The following ACYP2 variants were observed in gnomAD, a reference collection of about 807,000 sequenced individuals.
ACYP2 encodes the protein acylphosphatase-2.
Under a neutral mutation model 11.2 loss-of-function variants are expected in ACYP2, and 12 were observed. The observed-to-expected ratio is 1.08, with a 90% CI of 0.69 to 1.74. The LOEUF (loss-of-function observed/expected upper bound fraction) is 1.74, where lower values mean the gene tolerates loss of function less well. ACYP2 is among the 40% of genes most tolerant of loss of function. ACYP2 has a pLI of 0.00. For synonymous variants in ACYP2, 43 were observed against 32.2 expected (o/e 1.33, Z -1.13); for missense variants, 134 against 101.9 (o/e 1.31, Z -1.35).
At chr2:54,180,085 T>C (rs1337382248) in intron 6 of ACYP2, among the ~76,000 whole-genome samples, 2 of 152,052 alleles carry the variant, frequency 1.3e-5, no homozygotes, top group Non-Finnish European at 2.9e-5. Flanking sequence ...ACTTGGAAAC[T>C]TACATTTACC....
chr2:54,252,009 G>T (rs1474212023), intron 6 of ACYP2, among the ~76,000 whole-genome samples: 1 of 152,142 alleles, frequency 6.6e-6, no homozygotes, highest in African/African-American at 2.4e-5. Flanking sequence ...GAGTTGTAAG[G>T]TCCTTTGTCT....
At chr2:54,165,533 T>TCACACACA (rs1326165242) in intron 6 of ACYP2, among the ~76,000 whole-genome samples, 75 of 123,736 alleles carry the variant, frequency 6.1e-4, no homozygotes, top group African/African-American at 2.2e-3. Flanking sequence ...TCTCTCTCTC[T>TCACACACA]CTCACACACA....
In ACYP2 at chr2:54,102,638, C is replaced by CAAAAAAAAA. The variant is rs58842257; in HGVS notation, c.278-32787_278-32779dup. ...AAACCCAATTTAAGCTGGCTTAAGC[C>CAAAAAAAAA]AAAAAAAAAAAAAAAAAAAAAAAAA... On this transcript the variant is annotated intron_variant, in intron 4 of 6. Transcript: ENST00000607452. 3.6e-3 allele frequency among the ~76,000 whole-genome samples: 304 copies of CAAAAAAAAA among 83,300 alleles called. 60 individuals carry two copies. The highest frequency in any genetic ancestry group is 5.1e-3 in the Non-Finnish European group (222 of 43,286). 54.6% of individuals were successfully genotyped at this position (83,300 alleles called of 152,430 possible).
intron 4 of ACYP2, among the ~76,000 whole-genome samples, chr2:54,095,203 G>T (rs950233461): frequency 2.8e-4 from 43 of 152,170 alleles, no homozygotes; most frequent in African/African-American, 9.9e-4. Context: ...AGGGTTGGGG[G>T]TAAGGTCACA....
chr2:54,017,833 G>A (rs1302893953), intron 2 of ACYP2, among the ~76,000 whole-genome samples: 1 of 152,082 alleles, frequency 6.6e-6, no homozygotes, highest in Non-Finnish European at 1.5e-5. Context: ...AGGAGTGGCA[G>A]TTATCAGTGA....
chr2:54,207,242 T>A (rs957321898), intron 6 of ACYP2, among the ~76,000 whole-genome samples: 1 of 146,864 alleles, frequency 6.8e-6, no homozygotes, highest in African/African-American at 2.5e-5. Context: ...CATGCAATTA[T>A]GATGGTGGGC....
chr2:54,241,428 G>C (rs1686725687), intron 6 of ACYP2, among the ~76,000 whole-genome samples: 1 of 152,120 alleles, frequency 6.6e-6, no homozygotes, highest in Admixed American at 6.5e-5. Flanking sequence ...AGGAGGTATA[G>C]GCTTAGCTTG....
chr2:54,256,347 G>A, intron 6 of ACYP2: 3 of 607,984 alleles, frequency 4.9e-6, no homozygotes, highest in Non-Finnish European at 8.7e-6. Context: ...TTACGTCTTT[G>A]TTATTTTAGC....
intron 2 of ACYP2, among the ~76,000 whole-genome samples, chr2:53,996,523 C>T (rs748297478): frequency 3.9e-5 from 6 of 152,098 alleles, no homozygotes; most frequent in Non-Finnish European, 8.8e-5. Flanking sequence ...CAAAGATTGC[C>T]TGTTAAGAGA....
chr2:54,127,605 C>G (rs10193846), intron 4 of ACYP2, among the ~76,000 whole-genome samples: 1 of 151,648 alleles, frequency 6.6e-6, no homozygotes, highest in African/African-American at 2.4e-5. Context: ...AAAATTAGCC[C>G]GGTGTGGTGG....
chr2:54,074,578 TTGTGTGTG>T (rs59845178), intron 4 of ACYP2, among the ~76,000 whole-genome samples: 1,881 of 146,050 alleles, frequency 0.013, 26 homozygotes, highest in South Asian at 0.026. Flanking sequence ...AGAACAGAAT[TTGTGTGTG>T]TGTGTGTGTG....
At chr2:54,119,431 C>T (rs1572797366) in intron 4 of ACYP2, among the ~76,000 whole-genome samples, 1 of 152,036 alleles carries the variant, frequency 6.6e-6, no homozygotes, top group East Asian at 1.9e-4. Context: ...TGAAAACTGT[C>T]TTGTTAGAAA....
chr2:54,201,662 C>CT (rs1276575637), intron 6 of ACYP2, among the ~76,000 whole-genome samples: 2 of 80,318 alleles, frequency 2.5e-5, no homozygotes, highest in African/African-American at 8.2e-5. Context: ...TTCTTTCTTT[C>CT]TTTCTTTCTT....
At chr2:54,096,817 A>G (rs976159940) in intron 4 of ACYP2, among the ~76,000 whole-genome samples, 2 of 127,890 alleles carry the variant, frequency 1.6e-5, no homozygotes, top group African/African-American at 5.1e-5. Context: ...TCAGAGGGAG[A>G]CCGTGGAAAG....
At chr2:54,160,371 C>T (rs1351796048) in intron 6 of ACYP2, among the ~76,000 whole-genome samples, 2 of 152,144 alleles carry the variant, frequency 1.3e-5, no homozygotes, top group Non-Finnish European at 2.9e-5. Flanking sequence ...ATTGTCCATC[C>T]CTGGCAGTAA....
At chr2:54,065,116 T>TA (rs1392640915) in intron 4 of ACYP2, among the ~76,000 whole-genome samples, 6 of 134,912 alleles carry the variant, frequency 4.4e-5, no homozygotes, top group African/African-American at 1.5e-4. Flanking sequence ...AATAAATAAA[T>TA]AAATAAATAT....
intron 2 of ACYP2, among the ~76,000 whole-genome samples, chr2:54,007,510 C>A (rs1208264700): frequency 6.6e-6 from 1 of 152,168 alleles, no homozygotes; most frequent in Admixed American, 6.5e-5. Flanking sequence ...ACCTTGGCCT[C>A]CCAAAGTCCT....
At chr2:54,162,878 C>T (rs1682784243) in intron 6 of ACYP2, among the ~76,000 whole-genome samples, 1 of 152,146 alleles carries the variant, frequency 6.6e-6, no homozygotes, top group South Asian at 2.1e-4. Context: ...GTCCCAGCTG[C>T]TTAGGAGACT....
intron 6 of ACYP2, among the ~76,000 whole-genome samples, chr2:54,143,509 C>G (rs1331968761): frequency 6.6e-6 from 1 of 152,156 alleles, no homozygotes; most frequent in South Asian, 2.1e-4. Flanking sequence ...TCTTGGCTTA[C>G]TTCAACCTCT....
Sources: gnomAD v4.1 joint callset for allele counts (sites outside exome capture counted in the v4.1 genomes callset) on GRCh38, gnomAD v4.1.1 for gene constraint, MANE v1.5 for transcripts, NCBI Gene and HGNC (gene_info 2026-07-23, HGNC 2026-07-21) for gene names.